Variants in GAS2 observed in about 807,000 individuals in gnomAD.
The protein encoded by GAS2 is growth arrest-specific protein 2.
A neutral mutation model predicts 37.5 loss-of-function variants in GAS2; 20 were observed. The observed-to-expected ratio is 0.53, with a 90% CI of 0.37 to 0.77. GAS2 has a LOEUF of 0.77. Among genes scored for constraint, GAS2 ranks in the 30% least tolerant of loss-of-function variants. The pLI is 0.00. For missense variants in GAS2, 336 were observed against 373.4 expected (o/e 0.90, Z 0.82); for synonymous variants, 144 against 132.2 (o/e 1.09, Z -0.61).
At chr11:22,678,057 G>A (rs1196718920) in intron 2 of GAS2, among the ~76,000 whole-genome samples, 2 of 152,032 alleles carry the variant, frequency 1.3e-5, no homozygotes, top group East Asian at 3.9e-4. Flanking sequence ...TCTCAGAAAA[G>A]GAATCCTAAA....
chr11:22,704,425 G>A lies in GAS2; in HGVS notation c.267+18636G>A, dbSNP rs142491413. 1.1e-3 allele frequency among the ~76,000 whole-genome samples: 163 copies of A among 151,338 alleles called. 1 individual carries two copies. Among genetic ancestry groups the A allele is most frequent in the African/African-American group, 3.7e-3 (153 of 41,328 alleles). On this transcript the variant is annotated intron_variant, in intron 3 of 7. Transcript: ENST00000454584. ...TTCTAATAAATCCTATAGTTATAAA[G>A]TAGAGAAGAGAGTAAACCCAGTGTT...
At chr11:22,653,585 C>T (rs1848822444) in intron 1 of GAS2, among the ~76,000 whole-genome samples, 1 of 152,148 alleles carries the variant, frequency 6.6e-6, no homozygotes, top group Admixed American at 6.5e-5. Flanking sequence ...TTTATTCTTT[C>T]AATCAATACT....
At chr11:22,800,556 C>T (rs547147423) in intron 7 of GAS2, among the ~76,000 whole-genome samples, 3 of 152,118 alleles carry the variant, frequency 2.0e-5, no homozygotes, top group South Asian at 2.1e-4. Flanking sequence ...TGCTGAAAAG[C>T]GTTCATGTCC....
upstream of GAS2, among the ~76,000 whole-genome samples, chr11:22,666,082 A>C (rs943055357): frequency 2.6e-5 from 4 of 152,264 alleles, no homozygotes; most frequent in African/African-American, 9.6e-5. Flanking sequence ...ACATCTGTCC[A>C]CTTCATGGAA....
chr11:22,687,360 C>T (rs2133952322), intron 3 of GAS2, among the ~76,000 whole-genome samples: 1 of 152,220 alleles, frequency 6.6e-6, no homozygotes, highest in Middle Eastern at 3.4e-3. Context: ...ATACTGAGAC[C>T]TCGATCCCAT....
chr11:22,642,067 G>A (rs576105242), intron 1 of GAS2, among the ~76,000 whole-genome samples: 2 of 152,242 alleles, frequency 1.3e-5, no homozygotes, highest in South Asian at 2.1e-4. Context: ...GAGAGTGTGT[G>A]TTCAATTGAG....
At chr11:22,750,871 A>G (rs140158915) in intron 6 of GAS2, among the ~76,000 whole-genome samples, 7 of 151,720 alleles carry the variant, frequency 4.6e-5, no homozygotes, top group African/African-American at 1.7e-4. Flanking sequence ...TAAATGCCTT[A>G]TAGTCAGGGT....
At chr11:22,801,688 G>A (rs1257107794) in intron 7 of GAS2, among the ~76,000 whole-genome samples, 1 of 152,082 alleles carries the variant, frequency 6.6e-6, no homozygotes, top group Non-Finnish European at 1.5e-5. Flanking sequence ...GAATAAAGAT[G>A]TGGTTTCTAG....
At chr11:22,756,027 T>C (rs1288467057) in intron 7 of GAS2, 74 bp downstream of exon 7, 10 of 1,045,342 alleles carry the variant, frequency 9.6e-6, no homozygotes, top group African/African-American at 3.2e-5. Flanking sequence ...ATATGACAGA[T>C]AAGAGCAGGA....
At chr11:22,731,453 T>A (rs1267337779) in intron 4 of GAS2, 11 of 323,354 alleles carry the variant, frequency 3.4e-5, no homozygotes, top group Admixed American at 3.1e-4. Context: ...GTATAACTTT[T>A]AAAAAAATTT....
At chr11:22,651,878 C>T (rs543881211) in intron 1 of GAS2, among the ~76,000 whole-genome samples, 1 of 152,294 alleles carries the variant, frequency 6.6e-6, no homozygotes, top group South Asian at 2.1e-4. Flanking sequence ...CCTCCCACAG[C>T]TCGGAGTAAT....
chr11:22,675,220 C>T (rs1315136401), intron 2 of GAS2, among the ~76,000 whole-genome samples: 1 of 152,114 alleles, frequency 6.6e-6, no homozygotes, highest in Non-Finnish European at 1.5e-5. Flanking sequence ...CTTAGTAATT[C>T]CAATATGATG....
intron 1 of GAS2, among the ~76,000 whole-genome samples, chr11:22,649,832 T>G (rs1304894594): frequency 6.6e-6 from 1 of 151,866 alleles, no homozygotes; most frequent in South Asian, 2.1e-4. Flanking sequence ...GTCTTGCTAG[T>G]GGTCTATCAA....
chr11:22,733,541 G>A (rs567501594), intron 4 of GAS2, among the ~76,000 whole-genome samples: 1 of 151,604 alleles, frequency 6.6e-6, no homozygotes, highest in South Asian at 2.1e-4. Context: ...TACATTCATG[G>A]TCTAATGCAT....
intron 1 of GAS2, among the ~76,000 whole-genome samples, chr11:22,661,281 A>G (rs1848912479): frequency 1.3e-5 from 2 of 152,244 alleles, no homozygotes; most frequent in East Asian, 1.9e-4. Context: ...CTATCACCCA[A>G]TGGCACCCAC....
chr11:22,685,819 T>A, intron 3 of GAS2, 30 bp downstream of exon 3: 1 of 1,588,642 alleles, frequency 6.3e-7, no homozygotes, highest in South Asian at 1.2e-5. Flanking sequence ...AAATCACTCT[T>A]AGGTGGTAGA....
intron 2 of GAS2, among the ~76,000 whole-genome samples, chr11:22,682,888 G>GAAAAAAAAAAAAAA (rs57025584): frequency 9.8e-6 from 1 of 102,364 alleles, no homozygotes. Flanking sequence ...AAAAAAAAAG[G>GAAAAAAAAAAAAAA]AAAAAAAAAA....
intron 1 of GAS2, among the ~76,000 whole-genome samples, chr11:22,632,756 C>G (rs560885997): frequency 6.8e-6 from 1 of 146,324 alleles, no homozygotes; most frequent in South Asian, 2.2e-4. Context: ...TCTTTTCATT[C>G]TTTTTTTTTT....
intron 1 of GAS2, among the ~76,000 whole-genome samples, chr11:22,661,150 A>G (rs555204772): frequency 1.3e-5 from 2 of 152,318 alleles, no homozygotes; most frequent in South Asian, 4.1e-4. Context: ...TGATACTAAA[A>G]TCTCACTTAT....
Sources: gnomAD v4.1 joint callset for allele counts (sites outside exome capture counted in the v4.1 genomes callset) on GRCh38, gnomAD v4.1.1 for gene constraint, MANE v1.5 for transcripts, NCBI Gene and HGNC (gene_info 2026-07-23, HGNC 2026-07-21) for gene names.